Variants in RBM20 observed in about 807,000 individuals in gnomAD.
The protein encoded by RBM20 is RNA binding motif protein 20.
A neutral mutation model predicts 110.1 loss-of-function variants in RBM20; 51 were observed. The observed-to-expected ratio is 0.46, with a 90% CI of 0.37 to 0.59. The LOEUF is 0.59. Ranked by LOEUF, RBM20 falls within the 20% of genes least tolerant of loss-of-function variation. The pLI is 0.00. For missense variants in RBM20, 1,512 were observed against 1,574.9 expected (o/e 0.96, Z 0.68); for synonymous variants, 589 against 618.2 (o/e 0.95, Z 0.70).
intron 9 of RBM20, among the ~76,000 whole-genome samples, chr10:110,813,759 C>T (rs943796731): frequency 3.3e-5 from 5 of 150,184 alleles, no homozygotes; most frequent in African/African-American, 1.2e-4. Context: ...CACTTTAACC[C>T]GGAAGGCGGA....
At chr10:110,708,513 T>A (rs1409822726) in intron 1 of RBM20, among the ~76,000 whole-genome samples, 3 of 152,320 alleles carry the variant, frequency 2.0e-5, no homozygotes, top group African/African-American at 7.2e-5. Flanking sequence ...AAATCCCACT[T>A]ATTTACTAGT....
rs907159508 is a variant in RBM20 at position 110,838,588 on chromosome 10, T to A, written c.*2610T>A. 6.6e-6 allele frequency: 1 copy of A among 152,216 alleles called. No homozygotes were observed. The highest frequency in any genetic ancestry group is 1.5e-5 in the Non-Finnish European group (1 of 68,042). The allele number at this position is 152,216 out of a possible 1,614,324, so 9.4% of individuals were successfully genotyped here. On this transcript the variant is annotated 3_prime_UTR_variant, in exon 14 of 14. Coordinates refer to ENST00000369519, the MANE Select transcript of RBM20 (RefSeq NM_001134363.3). ...ACATTATCAGAGAGACTGGACACTT[T>A]ATCCCCTAGCAAAGTGGGAGAAGAT...
At chr10:110,677,126 C>T (rs1364737832) in intron 1 of RBM20, among the ~76,000 whole-genome samples, 6 of 152,088 alleles carry the variant, frequency 3.9e-5, no homozygotes, top group Admixed American at 2.0e-4. Flanking sequence ...TGTAGAATCC[C>T]GAGGTGGCAT....
intron 1 of RBM20, among the ~76,000 whole-genome samples, chr10:110,679,403 G>A (rs1047488897): frequency 6.6e-6 from 1 of 151,760 alleles, no homozygotes; most frequent in African/African-American, 2.4e-5. Flanking sequence ...TTTATTTTTT[G>A]TAGAGACAGG....
At chr10:110,825,801 G>GTAT (rs1442978273) in intron 12 of RBM20, among the ~76,000 whole-genome samples, 1 of 152,158 alleles carries the variant, frequency 6.6e-6, no homozygotes, top group African/African-American at 2.4e-5. Context: ...GGATCTGTAT[G>GTAT]TATTATCACA....
chr10:110,664,167 G>A (rs921635894), intron 1 of RBM20, among the ~76,000 whole-genome samples: 2 of 152,100 alleles, frequency 1.3e-5, no homozygotes, highest in Non-Finnish European at 2.9e-5. Context: ...CCAGATTATG[G>A]CCTCTAAGTA....
intron 13 of RBM20, among the ~76,000 whole-genome samples, chr10:110,832,093 AAT>A (rs1160794063): frequency 6.6e-6 from 1 of 152,206 alleles, no homozygotes; most frequent in Non-Finnish European, 1.5e-5. Flanking sequence ...GAAATATGGT[AAT>A]ATGTTCTATA....
In RBM20 at chr10:110,781,589, G is replaced by A. The variant is rs1338177551; in HGVS notation, c.980G>A (p.Gly327Asp). 12 of 1,551,568 alleles carry A rather than the reference G, an allele frequency of 7.7e-6. No homozygotes were observed. In the East Asian group the frequency reaches 2.9e-4, roughly 38 times the overall value. The change falls in exon 2 of 14, where the codon GGC becomes GAC. Residue 327 changes from glycine (G) to aspartate (D), a missense_variant. By Grantham distance (94) the Gly-to-Asp change is moderately conservative. Coordinates refer to ENST00000369519, the MANE Select transcript of RBM20 (RefSeq NM_001134363.3). ...TGGGAGAGCCCCCATGGATTCTCGG[G>A]CCAAAGCAAGCCTGATCTCACAGCA... ...SQWESPHGFS[G>D]QSKPDLTAGP...
At chr10:110,682,462 A>G (rs906178287) in intron 1 of RBM20, among the ~76,000 whole-genome samples, 1 of 152,192 alleles carries the variant, frequency 6.6e-6, no homozygotes, top group Non-Finnish European at 1.5e-5. Context: ...GTTGTGGCAC[A>G]GATCAGCCTC....
chr10:110,701,813 G>T (rs1200057729), intron 1 of RBM20, among the ~76,000 whole-genome samples: 1 of 152,192 alleles, frequency 6.6e-6, no homozygotes, highest in Non-Finnish European at 1.5e-5. Context: ...TGCTGCATAG[G>T]TTCTGAGTTT....
At chr10:110,746,187 T>C (rs1177525330) in intron 1 of RBM20, among the ~76,000 whole-genome samples, 1 of 152,080 alleles carries the variant, frequency 6.6e-6, no homozygotes, top group African/African-American at 2.4e-5. Flanking sequence ...GTTCACAAAG[T>C]GGCAGTCTTC....
intron 1 of RBM20, among the ~76,000 whole-genome samples, chr10:110,672,523 C>T (rs1029916916): frequency 6.6e-6 from 1 of 152,208 alleles, no homozygotes; most frequent in African/African-American, 2.4e-5. Flanking sequence ...AGCCAAAGCC[C>T]CCGGGGCGGT....
intron 1 of RBM20, among the ~76,000 whole-genome samples, chr10:110,779,103 C>A (rs184607705): frequency 9.9e-5 from 15 of 152,176 alleles, no homozygotes; most frequent in Admixed American, 9.8e-4. Context: ...TCTTTGGAAT[C>A]GGATAAATAT....
chr10:110,763,392 C>G (rs911319546), intron 1 of RBM20, among the ~76,000 whole-genome samples: 16 of 151,882 alleles, frequency 1.1e-4, no homozygotes, highest in African/African-American at 3.9e-4. Flanking sequence ...GGAGTTTTGA[C>G]CTTTTAAAAG....
chr10:110,670,077 A>AT (rs142777684), intron 1 of RBM20, among the ~76,000 whole-genome samples: 2,927 of 149,186 alleles, frequency 0.02, 80 homozygotes, highest in African/African-American at 0.063. Context: ...TTTCCACCTT[A>AT]TTTTTTTTTT....
Position 110,781,326 on chromosome 10 carries a change from A to G in RBM20, c.717A>G (p.Thr239=). Residue 239 remains threonine (T), a synonymous_variant, in exon 2 of 14, where the codon ACA becomes ACG. Transcript: ENST00000369519. ...ATGGCAAAGCCAGCTCTGGCCAGAC[A>G]TATGGCCCTGAAACAGATGGTCAGC... ...YEYGKASSGQ[T]YGPETDGQPG... is the part of the protein sequence containing the mutation. The G allele has an allele frequency of 6.4e-7, 1 of 1,551,708 alleles. No individual in the cohort carries two copies. Among genetic ancestry groups the G allele is most frequent in the Non-Finnish European group, 8.7e-7 (1 of 1,147,010 alleles).
intron 1 of RBM20, among the ~76,000 whole-genome samples, chr10:110,714,231 T>A (rs1463139379): frequency 6.6e-6 from 1 of 152,186 alleles, no homozygotes; most frequent in African/African-American, 2.4e-5. Flanking sequence ...AAGAGCCTCA[T>A]GAACCTGGGT....
At chr10:110,709,829 C>G (rs1862898234) in intron 1 of RBM20, among the ~76,000 whole-genome samples, 1 of 152,028 alleles carries the variant, frequency 6.6e-6, no homozygotes, top group Non-Finnish European at 1.5e-5. Context: ...CCTTGGCCTC[C>G]CAAAGTTGGG....
Position 110,799,997 on chromosome 10 carries a change from C to T in RBM20, c.1800+79C>T, listed in dbSNP as rs34408350. On this transcript the variant is annotated intron_variant, in intron 7 of 13. Transcript: ENST00000369519. ...CCTCCGTGTTAGGCACTGACCTAAA[C>T]GCTGGTGGAAAGGAGAGGATAGGAA... 1,657 of 1,339,308 alleles carry T rather than the reference C, an allele frequency of 1.2e-3. 4 individuals carry two copies. The highest frequency in any genetic ancestry group is 1.5e-3 in the Non-Finnish European group (1,463 of 959,106). 83.0% of individuals were successfully genotyped at this position (1,339,308 alleles called of 1,614,324 possible).
Sources: allele counts gnomAD v4.1 joint callset (sites outside exome capture counted in the v4.1 genomes callset), GRCh38; gene constraint gnomAD v4.1.1; transcripts MANE v1.5; gene names NCBI Gene and HGNC (gene_info 2026-07-23, HGNC 2026-07-21).